Variants in RAB3C observed in about 807,000 individuals in gnomAD.
RAB3C encodes RAB3C, member RAS oncogene family.
Under a neutral mutation model 26.4 loss-of-function variants are expected in RAB3C, and 17 were observed. The ratio of observed to expected loss-of-function variants is 0.64; its 90% CI spans 0.44 to 0.97. RAB3C has a LOEUF of 0.97. Among genes scored for constraint, RAB3C ranks in the 50% least tolerant of loss-of-function variants. The pLI, the probability that RAB3C is intolerant of heterozygous loss-of-function variation, is 0.00. For missense variants in RAB3C, 242 were observed against 281.9 expected (o/e 0.86, Z 1.01); for synonymous variants, 91 against 95.9 (o/e 0.95, Z 0.30).
chr5:58,583,633 C>T lies in RAB3C; in HGVS notation c.24+401C>T, dbSNP rs144724770. Among the ~76,000 whole-genome samples the T allele has an allele frequency of 4.6e-4, 70 of 152,256 alleles. 1 individual carries two copies. The highest frequency in any genetic ancestry group is 1.6e-3 in the African/African-American group (68 of 41,556). Reference sequence around the variant, plus strand: ...ATCAGATTCGGGGTTGAAGGCTCCCCACTGGAGTCGGCATAGAGCGAATTC... The same window carrying T: ...ATCAGATTCGGGGTTGAAGGCTCCCTACTGGAGTCGGCATAGAGCGAATTC... On this transcript the variant is annotated intron_variant, in intron 1 of 4. Coordinates refer to ENST00000282878, the MANE Select transcript of RAB3C (RefSeq NM_138453.4).
At chr5:58,837,689 G>C (rs1185400466) in intron 4 of RAB3C, among the ~76,000 whole-genome samples, 1 of 151,152 alleles carries the variant, frequency 6.6e-6, no homozygotes, top group South Asian at 2.1e-4. Context: ...CTCCCAAGTA[G>C]CTGGAAGTAC....
intron 3 of RAB3C, among the ~76,000 whole-genome samples, chr5:58,789,124 T>C (rs1326275065): frequency 6.6e-6 from 1 of 151,738 alleles, no homozygotes; most frequent in African/African-American, 2.4e-5. Flanking sequence ...ATTGGGAAAA[T>C]AAAATTTAGA....
At chr5:58,808,920 A>G (rs951244811) in intron 3 of RAB3C, among the ~76,000 whole-genome samples, 1 of 152,238 alleles carries the variant, frequency 6.6e-6, no homozygotes, top group Non-Finnish European at 1.5e-5. Flanking sequence ...TCCTATTTGT[A>G]GAGCAAACAT....
chr5:58,802,497 C>T (rs1742833344), intron 3 of RAB3C, among the ~76,000 whole-genome samples: 2 of 152,328 alleles, frequency 1.3e-5, no homozygotes, highest in East Asian at 1.9e-4. Flanking sequence ...CGGCTGCTGA[C>T]ATAAGAATGA....
chr5:58,724,386 A>T (rs570463353), intron 2 of RAB3C, among the ~76,000 whole-genome samples: 1 of 151,942 alleles, frequency 6.6e-6, no homozygotes, highest in East Asian at 1.9e-4. Flanking sequence ...TCAAACATAC[A>T]TACAAAGCAG....
chr5:58,736,535 A>G (rs1458015657), intron 3 of RAB3C, among the ~76,000 whole-genome samples: 1 of 152,010 alleles, frequency 6.6e-6, no homozygotes, highest in Non-Finnish European at 1.5e-5. Flanking sequence ...CTCTTCACCT[A>G]CTCTTACTTT....
In RAB3C at chr5:58,724,783, GA is replaced by G. The variant is rs1213571269; in HGVS notation, c.253-1215del. Among the ~76,000 whole-genome samples, 3 of 150,476 alleles carry G rather than the reference GA, an allele frequency of 2.0e-5. No homozygotes were observed. The East Asian group carries it at 5.9e-4, about 30-fold the overall frequency. The stretch of plus-strand genomic sequence containing the variant: ...GTAGCAACTTATCCTAGATCACAAA[GA>G]AAAGAACAGAAACAAAGAAACAAAT... On this transcript the variant is annotated intron_variant, in intron 2 of 4. Coordinates refer to ENST00000282878, the MANE Select transcript of RAB3C (RefSeq NM_138453.4).
Position 58,845,612 on chromosome 5 carries a change from A to ATGTGTGTGTGTG in RAB3C, c.497-5544_497-5533dup, listed in dbSNP as rs1289870360. On this transcript the variant is annotated intron_variant, in intron 4 of 4. Transcript: ENST00000282878. ...ATTCTTACTATATATATATATATATATGTGTGTGTGTGTGTGTGTATATGT... is the reference window on the plus strand; with the variant it reads ...ATTCTTACTATATATATATATATATATGTGTGTGTGTGTGTGTGTGTGTGTGTGTGTATATGT... Among the ~76,000 whole-genome samples, 341 of 81,040 alleles carry ATGTGTGTGTGTG rather than the reference A, an allele frequency of 4.2e-3. 9 individuals are homozygous for ATGTGTGTGTGTG. Among genetic ancestry groups the ATGTGTGTGTGTG allele is most frequent in the African/African-American group, 6.3e-3 (108 of 17,058 alleles). The allele number at this position is 81,040 out of a possible 152,430, so 53.2% of individuals were successfully genotyped here. A position where few individuals can be genotyped will look rare whatever the true frequency, so the allele number is the denominator to read the frequency against.
intron 2 of RAB3C, among the ~76,000 whole-genome samples, chr5:58,693,235 T>A (rs1333895686): frequency 2.7e-5 from 4 of 145,532 alleles, no homozygotes; most frequent in Non-Finnish European, 6.0e-5. Flanking sequence ...TAAGATAAAG[T>A]TATAATTATA....
At chr5:58,744,122 C>G (rs1215613949) in intron 3 of RAB3C, among the ~76,000 whole-genome samples, 2 of 152,170 alleles carry the variant, frequency 1.3e-5, no homozygotes, top group African/African-American at 2.4e-5. Flanking sequence ...ATTCATATAA[C>G]AAGTCCTGGT....
intron 1 of RAB3C, among the ~76,000 whole-genome samples, chr5:58,606,441 A>G (rs926969826): frequency 3.3e-5 from 5 of 152,204 alleles, no homozygotes; most frequent in African/African-American, 1.2e-4. Flanking sequence ...TACTGCCTCT[A>G]TAGACTCCCC....
In RAB3C at chr5:58,681,826, A is replaced by G. The variant is rs140679415; in HGVS notation, c.253-44176A>G. 1.1e-3 allele frequency among the ~76,000 whole-genome samples: 166 copies of G among 152,326 alleles called. 1 individual carries two copies. Among genetic ancestry groups the G allele is most frequent in the African/African-American group, 3.7e-3 (154 of 41,578 alleles). On this transcript the variant is annotated intron_variant, in intron 2 of 4. Coordinates refer to ENST00000282878, the MANE Select transcript of RAB3C (RefSeq NM_138453.4). ...AGATTGGGATATTTTAGGAAGATTCATCTGACCATTCTTTTAGAGGCAGGT... is the reference window on the plus strand; with the variant it reads ...AGATTGGGATATTTTAGGAAGATTCGTCTGACCATTCTTTTAGAGGCAGGT...
intron 2 of RAB3C, among the ~76,000 whole-genome samples, chr5:58,621,529 A>T (rs1285530883): frequency 6.6e-6 from 1 of 152,178 alleles, no homozygotes; most frequent in African/African-American, 2.4e-5. Context: ...TCCTCCAGCT[A>T]TAGAAAAAAA....
intron 3 of RAB3C, among the ~76,000 whole-genome samples, chr5:58,774,236 A>C (rs1308516723): frequency 6.6e-6 from 1 of 152,194 alleles, no homozygotes; most frequent in Non-Finnish European, 1.5e-5. Flanking sequence ...CTGGTATCAG[A>C]TCTATCCTTG....
At chr5:58,769,051 G>A (rs935698989) in intron 3 of RAB3C, among the ~76,000 whole-genome samples, 1 of 151,996 alleles carries the variant, frequency 6.6e-6, no homozygotes, top group Admixed American at 6.6e-5. Context: ...GCTACATATT[G>A]AAAGTAAACT....
At chr5:58,664,971 G>T (rs1365382550) in intron 2 of RAB3C, among the ~76,000 whole-genome samples, 2 of 151,884 alleles carry the variant, frequency 1.3e-5, no homozygotes, top group Non-Finnish European at 2.9e-5. Context: ...GATGCCTCCA[G>T]CCTCTGAAAT....
intron 2 of RAB3C, among the ~76,000 whole-genome samples, chr5:58,634,076 G>A (rs1279003684): frequency 4.6e-5 from 7 of 151,400 alleles, no homozygotes; most frequent in Non-Finnish European, 7.4e-5. Flanking sequence ...AGGAGGCAGA[G>A]CTTGCAGTGA....
intron 3 of RAB3C, among the ~76,000 whole-genome samples, chr5:58,783,395 C>T (rs952104369): frequency 6.6e-6 from 1 of 152,086 alleles, no homozygotes; most frequent in African/African-American, 2.4e-5. Context: ...ATAAAGACAA[C>T]ATGTGTGTAT....
chr5:58,604,822 G>A (rs973195920), intron 1 of RAB3C, among the ~76,000 whole-genome samples: 14 of 152,130 alleles, frequency 9.2e-5, no homozygotes, highest in Non-Finnish European at 1.5e-4. Flanking sequence ...CTGAGTTCTG[G>A]CCAGGAAGAT....
Sources: gnomAD v4.1 joint callset for allele counts (sites outside exome capture counted in the v4.1 genomes callset) on GRCh38, gnomAD v4.1.1 for gene constraint, MANE v1.5 for transcripts, NCBI Gene and HGNC (gene_info 2026-07-23, HGNC 2026-07-21) for gene names.